Variants in ARHGAP27 observed in about 807,000 individuals in gnomAD.
ARHGAP27 encodes rho GTPase-activating protein 27.
In ARHGAP27, 53 loss-of-function variants were observed where a neutral mutation model predicts 102.0. The ratio of observed to expected loss-of-function variants is 0.52; its 90% CI spans 0.42 to 0.65. The LOEUF is 0.65. ARHGAP27 is among the 30% of genes least tolerant of loss of function. ARHGAP27 has a pLI of 0.00. For missense variants in ARHGAP27, 1,117 were observed against 1,256.2 expected, an observed-to-expected ratio of 0.89 and a Z score of 1.68; for synonymous variants, 525 against 542.8, an observed-to-expected ratio of 0.97 and a Z score of 0.46.
rs1026673096 is a variant in ARHGAP27 at position 45,432,353 on chromosome 17, G to C, written c.-284-4C>G. 1.3e-5 allele frequency: 2 copies of C among 153,690 alleles called. No homozygotes were observed. Among genetic ancestry groups the C allele is most frequent in the Admixed American group, 1.3e-4 (2 of 15,294 alleles). 9.5% of individuals were successfully genotyped at this position (153,690 alleles called of 1,614,324 possible). A position where few individuals can be genotyped will look rare whatever the true frequency, so the allele number is the denominator to read the frequency against. On this transcript the variant is annotated splice_polypyrimidine_tract_variant and splice_region_variant and intron_variant, in intron 1 of 19. Coordinates refer to ENST00000685559, the MANE Select transcript of ARHGAP27 (RefSeq NM_001282290.2). ...GACCTCGGTTCCTTCCCCGACCCTG[G>C]GGAAACGCAGAGAAGGGGAGGGATT... is the stretch of plus-strand genomic sequence containing the variant.
In ARHGAP27 at chr17:45,396,112, G is replaced by A. The variant is rs1363116633; in HGVS notation, c.2257C>T (p.Arg753Cys). Residue 753 changes from arginine to cysteine, a missense_variant, in exon 18 of 20, where the codon CGC becomes TGC. Transcript: ENST00000685559. ...CAGCGCCCGTCATCCAGGTCAAGGC[G>A]CTCATCTGTGGCGGAGGAAGGGAGG... Reference protein sequence around the residue: ...KLRYKVDHDERLDLDDGRWED... With the variant: ...KLRYKVDHDECLDLDDGRWED... The A allele has an allele frequency of 1.2e-6, 2 of 1,610,580 alleles. No homozygotes were observed. Among genetic ancestry groups the A allele is most frequent in the South Asian group, 1.1e-5 (1 of 90,730 alleles).
In ARHGAP27 at chr17:45,395,557, G is replaced by A; in HGVS notation, c.2569C>T (p.Pro857Ser). The A allele has an allele frequency of 6.2e-7, 1 of 1,604,164 alleles. No homozygotes were observed. The highest frequency in any genetic ancestry group is 8.5e-7 in the Non-Finnish European group (1 of 1,175,652). The part of the protein sequence containing the change: ...AIVFGPTLLR[P>S]EVEETSMPMT... ...GGCATGCTGGTCTCTTCCACCTCGG[G>A]CCGCAGCAGCGTGGGCCCGAACACA... The change falls in exon 20 of 20, where the codon CCC becomes TCC. Residue 857 changes from proline to serine, a missense_variant. Pro to Ser is a moderately conservative substitution (Grantham distance 74). Around this residue, in one of 3 missense-constraint regions of ARHGAP27, gnomAD observed 493 missense variants for 505.5 expected, o/e 0.98. Transcript: ENST00000685559.
At chr17:45,418,271 TA>T (rs66460873) in intron 4 of ARHGAP27, among the ~76,000 whole-genome samples, 18,944 of 100,118 alleles carry the variant, frequency 0.19, 1,637 homozygotes, top group Middle Eastern at 0.28. Context: ...TAATAAAAAG[TA>T]AAAAAAAAAA....
At chr17:45,398,172 A>G (rs2144228415) in intron 12 of ARHGAP27, 125 bp from the exon 13 acceptor site, 1 of 617,240 alleles carries the variant, frequency 1.6e-6, no homozygotes, top group East Asian at 3.0e-5. Context: ...TCAGAGCTTA[A>G]TGGAGCAAGG....
chr17:45,401,085 T>A (rs145232906), intron 12 of ARHGAP27, among the ~76,000 whole-genome samples: 293 of 152,302 alleles, frequency 1.9e-3, no homozygotes, highest in Middle Eastern at 6.8e-3. Flanking sequence ...CTCACACCTG[T>A]AATCTCAACC....
In ARHGAP27 at chr17:45,396,608, C is replaced by A. The variant is rs2045724968; in HGVS notation, c.2075-23G>T. ...GGTCTAGGGCAGAGGCTCATCAGCTCCTGCCCAGCCTGCGCCCCGTCCCGG... is the reference window on the plus strand; with the variant it reads ...GGTCTAGGGCAGAGGCTCATCAGCTACTGCCCAGCCTGCGCCCCGTCCCGG... On this transcript the variant is annotated intron_variant, in intron 15 of 19. Transcript: ENST00000685559. 3.7e-6 allele frequency: 6 copies of A among 1,610,226 alleles called. No individual in the cohort carries two copies. The African/African-American group carries it at 5.3e-5, about 14-fold the overall frequency.
chr17:45,405,613 G>A, intron 5 of ARHGAP27, 63 bp downstream of exon 5: 1 of 1,511,236 alleles, frequency 6.6e-7, no homozygotes, highest in Non-Finnish European at 8.8e-7. Context: ...GGGCCTCTGG[G>A]AGCAGGAGGC....
intron 11 of ARHGAP27, 69 bp downstream of exon 11, chr17:45,403,550 C>A: frequency 7.5e-7 from 1 of 1,340,158 alleles, no homozygotes; most frequent in Non-Finnish European, 1.0e-6. Context: ...GACTCCGTCT[C>A]AAAAAAAATA....
chr17:45,404,918 C>T lies in ARHGAP27; in HGVS notation c.1248+6G>A. On this transcript the variant is annotated splice_donor_region_variant and intron_variant, in intron 6 of 19. Transcript: ENST00000685559. ...CTGTCCGGGTCCATCTGCCCCCTGCCCCTACCTGCTCCTGAGTGAAGTGGT... is the reference window on the plus strand; with the variant it reads ...CTGTCCGGGTCCATCTGCCCCCTGCTCCTACCTGCTCCTGAGTGAAGTGGT... 1 of 1,614,140 alleles carries T rather than the reference C, an allele frequency of 6.2e-7. No individual in the cohort carries two copies. Among genetic ancestry groups the T allele is most frequent in the Non-Finnish European group, 8.5e-7 (1 of 1,180,022 alleles).
At chr17:45,412,858 G>A (rs956600823) in intron 4 of ARHGAP27, among the ~76,000 whole-genome samples, 5 of 148,996 alleles carry the variant, frequency 3.4e-5, no homozygotes, top group African/African-American at 1.2e-4. Flanking sequence ...CTGAGATTCT[G>A]ATGGAAGTGG....
chr17:45,399,500 G>A (rs1270715676), intron 12 of ARHGAP27, among the ~76,000 whole-genome samples: 1 of 151,742 alleles, frequency 6.6e-6, no homozygotes, highest in African/African-American at 2.4e-5. Context: ...GCTGAGGCAG[G>A]AGAATCGCTT....
At chr17:45,429,536 G>C in intron 4 of ARHGAP27, 87 bp downstream of exon 4, 1 of 1,549,176 alleles carries the variant, frequency 6.5e-7, no homozygotes, top group Non-Finnish European at 8.6e-7. Flanking sequence ...GACGCTGAGC[G>C]GAGCGGGTCT....
chr17:45,430,366 G>A lies in ARHGAP27; in HGVS notation c.-18-69C>T. On this transcript the variant is annotated intron_variant, in intron 3 of 19. Coordinates refer to ENST00000685559, the MANE Select transcript of ARHGAP27 (RefSeq NM_001282290.2). The surrounding 1 kb of genome is among the most constrained non-coding windows in gnomAD (Gnocchi z 4.4). ...AGCCTGGAATAGCCCCGCACTCGGG[G>A]ACAGACTTGGGTTCGAGTCCCGATC... The A allele has an allele frequency of 6.7e-7, 1 of 1,486,640 alleles. No homozygotes were observed. The highest frequency in any genetic ancestry group is 8.9e-7 in the Non-Finnish European group (1 of 1,129,252). The allele number at this position is 1,486,640 out of a possible 1,614,324, so 92.1% of individuals were successfully genotyped here.
Position 45,397,007 on chromosome 17 carries a change from TG to T in ARHGAP27, c.1859del (p.Pro620GlnfsTer45). ...GIQELSAELP[P>X]EESESSRVDF... ...CCACTCTGCTGCTCTCGCTCTCCTCTGGGGGCAGCTCTGCGGACTGGATTCC... is the reference window on the plus strand; with the variant it reads ...CCACTCTGCTGCTCTCGCTCTCCTCTGGGGCAGCTCTGCGGACTGGATTCC... On this transcript the variant is annotated frameshift_variant, in exon 14 of 20. Coordinates refer to ENST00000685559, the MANE Select transcript of ARHGAP27 (RefSeq NM_001282290.2). LOFTEE classifies it high-confidence loss of function. 5.0e-6 allele frequency: 8 copies of T among 1,603,828 alleles called. No individual in the cohort carries two copies. Among genetic ancestry groups the T allele is most frequent in the Non-Finnish European group, 6.8e-6 (8 of 1,179,964 alleles).
intron 4 of ARHGAP27, among the ~76,000 whole-genome samples, chr17:45,414,640 G>T (rs556851343): frequency 6.8e-6 from 1 of 147,398 alleles, no homozygotes; most frequent in Non-Finnish European, 1.5e-5. Flanking sequence ...TTAGAGACAG[G>T]GTCTGACTAT....
intron 4 of ARHGAP27, chr17:45,425,534 C>A (rs2049509371): frequency 1.0e-6 from 1 of 980,000 alleles, no homozygotes; most frequent in Non-Finnish European, 1.2e-6. Context: ...GCTGTGGCCA[C>A]CCCCTAGTCC....
chr17:45,409,029 C>T (rs927104212), intron 4 of ARHGAP27: 1 of 152,304 alleles, frequency 6.6e-6, no homozygotes, highest in Non-Finnish European at 1.5e-5. Context: ...GTTTCAGCAA[C>T]AAACATGCCT....
At position 45,404,012 on chromosome 17, in the gene ARHGAP27, T is replaced by C. The variant is rs1460431414; in HGVS notation, c.1547+17A>G. The C allele has an allele frequency of 4.3e-6, 7 of 1,613,526 alleles. No individual in the cohort carries two copies. The highest frequency in any genetic ancestry group is 2.2e-5 in the East Asian group (1 of 44,864). ...AAGGCCCACCCTGCCCCGGCCTGAG[T>C]GTAGATGGGCTCTCACCGGAGCCGC... On this transcript the variant is annotated intron_variant, in intron 10 of 19. Transcript: ENST00000685559.
intron 4 of ARHGAP27, chr17:45,410,100 G>A: frequency 8.5e-7 from 1 of 1,181,566 alleles, no homozygotes; most frequent in Non-Finnish European, 1.2e-6. Context: ...GGGCCTCCGA[G>A]AAGGAAAGAG....
Sources: gnomAD v4.1 joint callset for allele counts (sites outside exome capture counted in the v4.1 genomes callset) on GRCh38, gnomAD v4.1.1 for gene constraint, gnomAD v4.1.1 regional missense constraint, Gnocchi (gnomAD v3.1) non-coding constraint, MANE v1.5 for transcripts, NCBI Gene and HGNC (gene_info 2026-07-23, HGNC 2026-07-21) for gene names.